The following DAAM1 variants were observed in gnomAD, a reference collection of about 807,000 sequenced individuals.
DAAM1 encodes the protein disheveled-associated activator of morphogenesis 1.
DAAM1 carries 52 observed loss-of-function variants against 130.0 expected under a neutral mutation model. The ratio of observed to expected loss-of-function variants is 0.40; its 90% CI spans 0.32 to 0.50. The LOEUF is 0.50. Among genes scored for constraint, DAAM1 ranks in the 20% least tolerant of loss-of-function variants. The probability of loss-of-function intolerance (pLI) is 0.61; values close to 1 mark genes in which losing one functional copy is unlikely to be tolerated. For synonymous variants in DAAM1, 452 were observed against 444.5 expected (o/e 1.02, Z -0.21); for missense variants, 1,134 against 1,303.8 (o/e 0.87, Z 2.01).
At chr14:59,258,244 A>G (rs1468142860) in intron 1 of DAAM1, among the ~76,000 whole-genome samples, 1 of 152,186 alleles carries the variant, frequency 6.6e-6, no homozygotes. Flanking sequence ...TGTTACTTTT[A>G]TGATGTATGG....
At chr14:59,318,335 G>T (rs1263060753) in intron 4 of DAAM1, among the ~76,000 whole-genome samples, 3 of 151,764 alleles carry the variant, frequency 2.0e-5, no homozygotes, top group Non-Finnish European at 4.4e-5. Flanking sequence ...GTGCCTCTCT[G>T]TCAGACCCGC....
At chr14:59,302,004 A>G (rs963644809) in intron 3 of DAAM1, among the ~76,000 whole-genome samples, 12 of 152,240 alleles carry the variant, frequency 7.9e-5, no homozygotes, top group African/African-American at 2.9e-4. Flanking sequence ...TAAAACTTTT[A>G]AAGAGAGTGC....
intron 3 of DAAM1, among the ~76,000 whole-genome samples, chr14:59,305,396 T>C (rs1029861321): frequency 6.6e-6 from 1 of 152,208 alleles, no homozygotes; most frequent in Non-Finnish European, 1.5e-5. Flanking sequence ...TATAAATTGG[T>C]TTCAGATGTT....
intron 2 of DAAM1, among the ~76,000 whole-genome samples, chr14:59,276,832 G>A (rs1314513954): frequency 6.6e-6 from 1 of 152,132 alleles, no homozygotes; most frequent in Non-Finnish European, 1.5e-5. Context: ...CAAATAGCGA[G>A]TTGATTGGCA....
intron 1 of DAAM1, among the ~76,000 whole-genome samples, 180 bp from the exon 2 acceptor site, chr14:59,263,261 A>G (rs1312262177): frequency 6.6e-6 from 1 of 152,184 alleles, no homozygotes; most frequent in Admixed American, 6.5e-5. Flanking sequence ...AAATGAATAG[A>G]AGGGTGTGTG....
chr14:59,277,477 TA>T (rs200987295), intron 2 of DAAM1, among the ~76,000 whole-genome samples: 5 of 150,388 alleles, frequency 3.3e-5, no homozygotes, highest in South Asian at 2.1e-4. Flanking sequence ...TTCTTAATAA[TA>T]AAAAAAAATC....
chr14:59,367,307 A>G, intron 23 of DAAM1, 122 bp from the exon 24 acceptor site: 1 of 1,427,442 alleles, frequency 7.0e-7, no homozygotes, highest in Non-Finnish European at 9.2e-7. Flanking sequence ...AAGAAATAAA[A>G]ATAAATGAGC....
chr14:59,193,721 T>C lies in DAAM1; in HGVS notation c.-38+4953T>C, dbSNP rs115940478. Among the ~76,000 whole-genome samples the C allele has an allele frequency of 2.8e-3, 419 of 152,338 alleles. 3 individuals are homozygous for C. Among genetic ancestry groups the C allele is most frequent in the African/African-American group, 9.6e-3 (398 of 41,570 alleles). On this transcript the variant is annotated intron_variant, in intron 1 of 24. Coordinates refer to ENST00000360909, the MANE Select transcript of DAAM1 (RefSeq NM_001270520.2). ...TTGATGTTTAAGCGTTCCTGGTTTT[T>C]ACTCTGTCTGTGACTTTCTGCAGTA...
intron 3 of DAAM1, among the ~76,000 whole-genome samples, chr14:59,304,962 A>G (rs950454330): frequency 6.6e-6 from 1 of 152,220 alleles, no homozygotes; most frequent in African/African-American, 2.4e-5. Flanking sequence ...GCAAATCATA[A>G]ACACACTTTG....
intron 1 of DAAM1, among the ~76,000 whole-genome samples, chr14:59,202,265 T>C (rs1888127550): frequency 1.3e-5 from 2 of 152,300 alleles, no homozygotes; most frequent in African/African-American, 4.8e-5. Flanking sequence ...CTCAGTCTGT[T>C]TCATGTTGCC....
intron 10 of DAAM1, 100 bp downstream of exon 10, chr14:59,326,177 C>T (rs1042585167): frequency 1.8e-6 from 2 of 1,124,690 alleles, no homozygotes; most frequent in African/African-American, 3.1e-5. Flanking sequence ...GGGTGCACAC[C>T]AGGGATTCCA....
intron 16 of DAAM1, 46 bp downstream of exon 16, chr14:59,340,226 C>T (rs763574576): frequency 6.4e-7 from 1 of 1,565,312 alleles, no homozygotes; most frequent in Non-Finnish European, 8.8e-7. Context: ...CCAACATTTC[C>T]ATTCTGTGGC....
chr14:59,319,585 G>C (rs1011031976), intron 4 of DAAM1, among the ~76,000 whole-genome samples: 2 of 152,154 alleles, frequency 1.3e-5, no homozygotes, highest in African/African-American at 4.8e-5. Context: ...GTTCAGAATA[G>C]GATGAAGAAA....
intron 21 of DAAM1, chr14:59,360,511 ATTTT>A (rs1334812158): frequency 8.6e-6 from 2 of 231,334 alleles, no homozygotes; most frequent in South Asian, 2.9e-4. Flanking sequence ...CTGAAGTGAG[ATTTT>A]TTTGAGTTTG....
chr14:59,306,009 T>G (rs1884367389), intron 3 of DAAM1, among the ~76,000 whole-genome samples: 1 of 152,160 alleles, frequency 6.6e-6, no homozygotes, highest in South Asian at 2.1e-4. Flanking sequence ...ATCTTTACTT[T>G]GAAGTTAGAG....
At chr14:59,325,756 T>A in intron 9 of DAAM1, 26 bp downstream of exon 9, 2 of 1,611,238 alleles carry the variant, frequency 1.2e-6, no homozygotes, top group Middle Eastern at 3.3e-4. Context: ...ATTATTCTGG[T>A]TTGATTCATC....
intron 17 of DAAM1, among the ~76,000 whole-genome samples, chr14:59,351,030 C>T (rs1406560904): frequency 1.3e-5 from 2 of 152,120 alleles, no homozygotes; most frequent in Admixed American, 6.5e-5. Flanking sequence ...ACATTTTGAA[C>T]ATTAAACTCA....
intron 1 of DAAM1, among the ~76,000 whole-genome samples, chr14:59,191,512 A>G (rs1485624576): frequency 6.6e-6 from 1 of 152,158 alleles, no homozygotes; most frequent in Non-Finnish European, 1.5e-5. Context: ...TAGTTCTGTC[A>G]TCCGTGGTAA....
In DAAM1 at chr14:59,360,953, G is replaced by A. The variant is rs1004140049; in HGVS notation, c.2694+91G>A. ...CAGCAGATGGGTTGTGTTGGCATGT[G>A]GTATGCCCGGGATAAACATTTATTG... is the stretch of plus-strand genomic sequence containing the variant. On this transcript the variant is annotated intron_variant, in intron 22 of 24. Transcript: ENST00000360909. The A allele has an allele frequency of 3.8e-6, 4 of 1,044,310 alleles. No individual in the cohort carries two copies. In the African/African-American group the frequency reaches 6.5e-5, roughly 17 times the overall value. 64.7% of individuals were successfully genotyped at this position (1,044,310 alleles called of 1,614,324 possible). A position where few individuals can be genotyped will look rare whatever the true frequency, so the allele number is the denominator to read the frequency against.
Sources: allele counts gnomAD v4.1 joint callset (sites outside exome capture counted in the v4.1 genomes callset), GRCh38; gene constraint gnomAD v4.1.1; transcripts MANE v1.5; gene names NCBI Gene and HGNC (gene_info 2026-07-23, HGNC 2026-07-21).